Variants in FMO3 observed in about 807,000 individuals in gnomAD.
FMO3 encodes flavin-containing monooxygenase 3.
Under a neutral mutation model 39.4 loss-of-function variants are expected in FMO3, and 40 were observed. The ratio of observed to expected loss-of-function variants is 1.02; its 90% CI spans 0.79 to 1.32. The LOEUF (loss-of-function observed/expected upper bound fraction) is 1.32. Among genes scored for constraint, FMO3 ranks in the 40% most tolerant of loss-of-function variants. FMO3 has a pLI of 0.00. For synonymous variants in FMO3, 219 were observed against 228.8 expected, an observed-to-expected ratio of 0.96 and a Z score of 0.39; for missense variants, 680 against 651.8, an observed-to-expected ratio of 1.04 and a Z score of -0.47.
chr1:171,105,806 C>G (rs1655610791), intron 3 of FMO3, among the ~76,000 whole-genome samples: 1 of 151,942 alleles, frequency 6.6e-6, no homozygotes, highest in Non-Finnish European at 1.5e-5. Flanking sequence ...AGTTTAACAC[C>G]TATTTATGCA....
chr1:171,096,008 T>TATATA (rs1654970917), intron 2 of FMO3, among the ~76,000 whole-genome samples: 1 of 43,386 alleles, frequency 2.3e-5, no homozygotes, highest in East Asian at 5.4e-4. Flanking sequence ...TATATATTAA[T>TATATA]ATACATATTA....
rs555647762 is a variant in FMO3, at chr1:171,093,301, A to G, written c.132+511A>G. Among the ~76,000 whole-genome samples the G allele has an allele frequency of 2.5e-3, 376 of 152,016 alleles. 1 individual carries two copies. The highest frequency in any genetic ancestry group is 4.5e-3 in the Non-Finnish European group (307 of 68,004). Reference sequence around the variant, plus strand: ...ACTCTCCTACCCTTCCAAGTCTCCAATGTCTATTATTCCCACATTCTATGT... The same window carrying G: ...ACTCTCCTACCCTTCCAAGTCTCCAGTGTCTATTATTCCCACATTCTATGT... On this transcript the variant is annotated intron_variant, in intron 2 of 8. Transcript: ENST00000367755.
chr1:171,100,979 G>A, intron 2 of FMO3: 1 of 378,584 alleles, frequency 2.6e-6, no homozygotes, highest in Non-Finnish European at 5.2e-6. Flanking sequence ...GAGAGAGGCA[G>A]AGGGAGATTT....
intron 7 of FMO3, among the ~76,000 whole-genome samples, chr1:171,114,978 C>T (rs1656078016): frequency 6.6e-6 from 1 of 152,110 alleles, no homozygotes; most frequent in Admixed American, 6.6e-5. Context: ...TTATATTTTA[C>T]AAAGGAAACA....
In FMO3 at chr1:171,108,111, A is replaced by C. The variant is rs753378707; in HGVS notation, c.517A>C (p.Ser173Arg). 6.2e-7 allele frequency: 1 copy of C among 1,613,920 alleles called. No individual in the cohort carries two copies. The highest frequency in any genetic ancestry group is 8.5e-7 in the Non-Finnish European group (1 of 1,179,904). ...CCACTTTAAAGGCAAATGCTTCCAC[A>C]GCAGGGACTATAAAGAACCAGGTGT... ...LNHFKGKCFHSRDYKEPGVFN... is the reference protein window; with the variant it reads ...LNHFKGKCFHRRDYKEPGVFN... The change falls in exon 5 of 9, where the codon AGC becomes CGC. Residue 173 changes from serine to arginine, a missense_variant. Physicochemically the swap from Ser to Arg is moderately radical, Grantham distance 110. Coordinates refer to ENST00000367755, the MANE Select transcript of FMO3 (RefSeq NM_001002294.3).
rs573923250 is a variant in FMO3 at position 171,098,622 on chromosome 1, A to G, written c.133-5163A>G. On this transcript the variant is annotated intron_variant, in intron 2 of 8. Transcript: ENST00000367755. ...TTATTGGGGTATAAGAATGCTTGTG[A>G]TTTTTGCACACTGATTTTCTATCCT... 2.4e-4 allele frequency among the ~76,000 whole-genome samples: 36 copies of G among 152,196 alleles called. 1 individual carries two copies. The highest frequency in any genetic ancestry group is 3.4e-3 in the Middle Eastern group (1 of 294).
chr1:171,116,285 G>C lies in FMO3; in HGVS notation c.1256+5G>C, dbSNP rs1365259746. 3.3e-6 allele frequency: 5 copies of C among 1,493,640 alleles called. No individual in the cohort carries two copies. Among genetic ancestry groups the C allele is most frequent in the Non-Finnish European group, 4.7e-6 (5 of 1,071,118 alleles). 92.5% of individuals were successfully genotyped at this position (1,493,640 alleles called of 1,614,324 possible). On this transcript the variant is annotated splice_donor_5th_base_variant and intron_variant, in intron 8 of 8. Transcript: ENST00000367755. ...AATGGAGAAAAAGCGCAAATGGTAA[G>C]AGTACCTATTGTAATAGGAGTGTAG...
At chr1:171,106,171 C>T (rs1360940961) in intron 3 of FMO3, among the ~76,000 whole-genome samples, 3 of 151,362 alleles carry the variant, frequency 2.0e-5, no homozygotes, top group Admixed American at 6.6e-5. Context: ...ACGGAGTTTC[C>T]CTCTTGCTGC....
At chr1:171,095,887 TTATATATA>T in intron 2 of FMO3, among the ~76,000 whole-genome samples, 1 of 858 alleles carries the variant, frequency 1.2e-3, no homozygotes, top group East Asian at 0.042. Flanking sequence ...TATAATTATA[TTATATATA>T]ATTATAATAT....
intron 5 of FMO3, among the ~76,000 whole-genome samples, chr1:171,109,369 G>C (rs1447130444): frequency 6.6e-6 from 1 of 151,910 alleles, no homozygotes; most frequent in Non-Finnish European, 1.5e-5. Flanking sequence ...GTAAATAAAG[G>C]TAAATCATTA....
At chr1:171,105,459 G>A (rs183887876) in intron 3 of FMO3, among the ~76,000 whole-genome samples, 146 of 152,162 alleles carry the variant, frequency 9.6e-4, no homozygotes, top group African/African-American at 3.0e-3. Context: ...CTGAGGAATC[G>A]CCACACTGAC....
chr1:171,102,098 T>C (rs186266766), intron 2 of FMO3, among the ~76,000 whole-genome samples: 7 of 152,322 alleles, frequency 4.6e-5, no homozygotes, highest in Non-Finnish European at 1.0e-4. Context: ...TCATGTCCTA[T>C]TTAAAGAACA....
intron 2 of FMO3, chr1:171,101,055 A>G (rs1655358432): frequency 2.2e-6 from 1 of 454,850 alleles, no homozygotes; most frequent in Admixed American, 2.4e-5. Context: ...TGAAGATGCT[A>G]TGCTCTATCT....
intron 5 of FMO3, 63 bp from the exon 6 acceptor site, chr1:171,110,735 T>A (rs982563663): frequency 2.7e-5 from 38 of 1,432,410 alleles, no homozygotes; most frequent in Non-Finnish European, 2.3e-5. Flanking sequence ...GGATCTGGGG[T>A]GCTCACCAGA....
At chr1:171,094,120 C>A (rs1376311039) in intron 2 of FMO3, among the ~76,000 whole-genome samples, 6 of 152,120 alleles carry the variant, frequency 3.9e-5, no homozygotes, top group African/African-American at 1.4e-4. Flanking sequence ...TGAGCCACTG[C>A]GCCTGGCCTT....
Position 171,114,188 on chromosome 1 carries a change from T to C in FMO3, c.1009T>C (p.Phe337Leu). ...AACAGGGTATAGTTTTGCCTACCCCTTCCTTGATGAGTCTATCATCAAAAG... is the reference window on the plus strand; with the variant it reads ...AACAGGGTATAGTTTTGCCTACCCCCTCCTTGATGAGTCTATCATCAAAAG... ...FATGYSFAYP[F>L]LDESIIKSRN... The change falls in exon 7 of 9, where the codon TTC (phenylalanine) becomes CTC (leucine). Residue 337 changes from phenylalanine to leucine, a missense_variant. Phe to Leu is a conservative substitution (Grantham distance 22). Transcript: ENST00000367755. The C allele has an allele frequency of 6.2e-7, 1 of 1,614,070 alleles. No individual in the cohort carries two copies.
chr1:171,117,275 C>A lies in FMO3; in HGVS notation c.1432C>A (p.Gln478Lys). ...PYQFRLVGPG[Q>K]WPGARNAILT... is the part of the protein sequence containing the mutation. ...CCAGTTTAGGCTGGTGGGCCCAGGGCAGTGGCCAGGAGCCAGAAATGCCAT... is the reference window on the plus strand; with the variant it reads ...CCAGTTTAGGCTGGTGGGCCCAGGGAAGTGGCCAGGAGCCAGAAATGCCAT... Residue 478 changes from glutamine (Q) to lysine (K), a missense_variant, in exon 9 of 9, where the codon CAG (glutamine) becomes AAG (lysine). Coordinates refer to ENST00000367755, the MANE Select transcript of FMO3 (RefSeq NM_001002294.3). 6.2e-7 allele frequency: 1 copy of A among 1,614,180 alleles called. No individual in the cohort carries two copies. The highest frequency in any genetic ancestry group is 1.1e-5 in the South Asian group (1 of 91,088).
rs928213015 is a variant in FMO3, at chr1:171,112,236, A to G, written c.827+1239A>G. Among the ~76,000 whole-genome samples, 3 of 152,094 alleles carry G rather than the reference A, an allele frequency of 2.0e-5. No homozygotes were observed. The South Asian group carries it at 6.2e-4, about 32-fold the overall frequency. On this transcript the variant is annotated intron_variant, in intron 6 of 8. Transcript: ENST00000367755. Reference sequence around the variant, plus strand: ...GTGGGCCTTGTAGATCATTGTAAGGACTCTGGCTTTTACTCTGAAAGCAAT... The same window carrying G: ...GTGGGCCTTGTAGATCATTGTAAGGGCTCTGGCTTTTACTCTGAAAGCAAT...
At chr1:171,116,704 G>A (rs28363592) in intron 8 of FMO3, among the ~76,000 whole-genome samples, 2,663 of 152,284 alleles carry the variant, frequency 0.017, 85 homozygotes, top group African/African-American at 0.061. Flanking sequence ...TCAGAAAAGT[G>A]AGAATGAATC....
Sources: gnomAD v4.1 joint callset for allele counts (sites outside exome capture counted in the v4.1 genomes callset) on GRCh38, gnomAD v4.1.1 for gene constraint, MANE v1.5 for transcripts, NCBI Gene and HGNC (gene_info 2026-07-23, HGNC 2026-07-21) for gene names.